The following PDE1C variants were observed in gnomAD, a reference collection of about 807,000 sequenced individuals.
PDE1C encodes the protein dual specificity calcium/calmodulin-dependent 3',5'-cyclic nucleotide phosphodiesterase 1C.
Under a neutral mutation model 93.1 loss-of-function variants are expected in PDE1C, and 62 were observed. The ratio of observed to expected loss-of-function variants is 0.67; its 90% CI spans 0.54 to 0.82. PDE1C has a LOEUF of 0.82. Ranked by LOEUF, PDE1C falls within the 40% of genes least tolerant of loss-of-function variation. PDE1C has a pLI of 0.00. For synonymous variants in PDE1C, 325 were observed against 310.1 expected, an observed-to-expected ratio of 1.05 and a Z score of -0.50; for missense variants, 742 against 884.6, an observed-to-expected ratio of 0.84 and a Z score of 2.04.
At chr7:32,284,410 T>C (rs1264960229) in intron 1 of PDE1C, among the ~76,000 whole-genome samples, 2 of 152,218 alleles carry the variant, frequency 1.3e-5, no homozygotes, top group Admixed American at 6.5e-5. Context: ...GTTGGAAAAT[T>C]AAGCATAAAA....
chr7:32,215,996 C>G (rs16875791), intron 1 of PDE1C, among the ~76,000 whole-genome samples: 52,438 of 152,152 alleles, frequency 0.34, 10,059 homozygotes, highest in African/African-American at 0.52. Context: ...CTGGTGGCTG[C>G]AATGCCAGGC....
intron 1 of PDE1C, among the ~76,000 whole-genome samples, chr7:32,256,849 A>G (rs781723449): frequency 5.3e-5 from 8 of 152,162 alleles, no homozygotes; most frequent in Admixed American, 1.3e-4. Flanking sequence ...CCAAATCAAT[A>G]ATAGGGTGCC....
rs377210915 is a variant in PDE1C at position 32,186,904 on chromosome 7, C to T, written c.137-16948G>A. 3.3e-4 allele frequency among the ~76,000 whole-genome samples: 50 copies of T among 152,222 alleles called. No individual in the cohort carries two copies. In the South Asian group the frequency reaches 8.1e-3, roughly 25 times the overall value. The stretch of plus-strand genomic sequence containing the variant: ...AGCATTTTCACATCTTCATTGTGGA[C>T]GGCATCCCTCCTTCATCGATAGAAA... On this transcript the variant is annotated intron_variant, in intron 2 of 18. Coordinates refer to the PDE1C transcript ENST00000396193.
intron 15 of PDE1C, among the ~76,000 whole-genome samples, chr7:31,813,927 GTT>G (rs1343928838): frequency 6.6e-6 from 1 of 152,154 alleles, no homozygotes; most frequent in African/African-American, 2.4e-5. Flanking sequence ...CCATTCCTGA[GTT>G]AATTCACTTA....
At chr7:31,799,743 T>C (rs117445603) in intron 16 of PDE1C, among the ~76,000 whole-genome samples, 1,733 of 151,824 alleles carry the variant, frequency 0.011, 18 homozygotes, top group South Asian at 0.024. Context: ...ATTTGTTCTA[T>C]GCAAACTAAC....
the PDE1C span, among the ~76,000 whole-genome samples, chr7:31,671,476 T>G: frequency 6.6e-6 from 1 of 152,178 alleles, no homozygotes; most frequent in Admixed American, 6.5e-5. Flanking sequence ...CCAAGTAACA[T>G]TGTATCTCAC....
At chr7:32,102,495 G>C (rs1258306150) in intron 3 of PDE1C, among the ~76,000 whole-genome samples, 1 of 152,206 alleles carries the variant, frequency 6.6e-6, no homozygotes, top group Non-Finnish European at 1.5e-5. Flanking sequence ...TCCTCAAAGG[G>C]TTGTTACAAG....
At chr7:32,251,713 C>A (rs191006965) in intron 1 of PDE1C, among the ~76,000 whole-genome samples, 1 of 152,334 alleles carries the variant, frequency 6.6e-6, no homozygotes, top group East Asian at 1.9e-4. Flanking sequence ...ATAAACATCT[C>A]ATTGAAATGT....
At chr7:31,628,164 C>T in the PDE1C span, among the ~76,000 whole-genome samples, 1 of 152,284 alleles carries the variant, frequency 6.6e-6, no homozygotes, top group Non-Finnish European at 1.5e-5. Flanking sequence ...TCAAAAAGTG[C>T]CCTGAAGGAG....
Position 32,213,991 on chromosome 7 carries a change from T to C in PDE1C, c.86-4452A>G, listed in dbSNP as rs148244253. ...GCATAAACTCAATAGTTTATGATAATCAGGAAAAAATGTTTTTATTAGAGG... is the reference window on the plus strand; with the variant it reads ...GCATAAACTCAATAGTTTATGATAACCAGGAAAAAATGTTTTTATTAGAGG... On this transcript the variant is annotated intron_variant, in intron 1 of 18. Coordinates refer to the PDE1C transcript ENST00000396193. 6.8e-4 allele frequency among the ~76,000 whole-genome samples: 104 copies of C among 152,304 alleles called. 1 individual carries two copies. The highest frequency in any genetic ancestry group is 6.8e-3 in the Middle Eastern group (2 of 294).
intron 3 of PDE1C, among the ~76,000 whole-genome samples, chr7:32,108,946 T>C (rs1798496306): frequency 6.6e-6 from 1 of 152,200 alleles, no homozygotes; most frequent in Non-Finnish European, 1.5e-5. Flanking sequence ...CTGGCACATA[T>C]ATATTCTGAT....
chr7:32,181,800 A>G (rs550427377), intron 2 of PDE1C, among the ~76,000 whole-genome samples: 254 of 152,356 alleles, frequency 1.7e-3, no homozygotes, highest in African/African-American at 5.8e-3. Flanking sequence ...AACTAAGATC[A>G]GAGCAGAACT....
At chr7:32,067,629 C>T (rs974771792) in intron 1 of PDE1C, among the ~76,000 whole-genome samples, 4 of 152,134 alleles carry the variant, frequency 2.6e-5, no homozygotes, top group South Asian at 4.1e-4. Context: ...ATGATCACCA[C>T]AGTGGGATTC....
intron 2 of PDE1C, among the ~76,000 whole-genome samples, chr7:32,195,110 A>T (rs1804524352): frequency 6.6e-6 from 1 of 152,232 alleles, no homozygotes. Flanking sequence ...TACATTTAGA[A>T]CATTATCAAA....
chr7:32,036,579 G>A (rs1188623497), intron 2 of PDE1C, among the ~76,000 whole-genome samples: 1 of 152,132 alleles, frequency 6.6e-6, no homozygotes, highest in East Asian at 1.9e-4. Context: ...TAGCAAGCTT[G>A]ATCAAGAAAT....
the PDE1C span, among the ~76,000 whole-genome samples, chr7:31,655,577 G>A: frequency 6.6e-6 from 1 of 152,136 alleles, no homozygotes; most frequent in Non-Finnish European, 1.5e-5. Context: ...TCCCAGAGCA[G>A]CCTTCCACCA....
At chr7:31,938,205 G>A (rs567788881) in intron 2 of PDE1C, among the ~76,000 whole-genome samples, 1 of 151,582 alleles carries the variant, frequency 6.6e-6, no homozygotes, top group South Asian at 2.1e-4. Context: ...ATGTCATTTT[G>A]GAAGATGGAT....
intron 16 of PDE1C, among the ~76,000 whole-genome samples, chr7:31,806,196 T>C (rs1013749015): frequency 6.6e-6 from 1 of 151,932 alleles, no homozygotes; most frequent in Non-Finnish European, 1.5e-5. Context: ...CTAATCATAA[T>C]CTGTTGTTTG....
intron 3 of PDE1C, among the ~76,000 whole-genome samples, chr7:32,106,001 C>T (rs1250490783): frequency 6.6e-6 from 1 of 151,952 alleles, no homozygotes; most frequent in Non-Finnish European, 1.5e-5. Flanking sequence ...TGGAGTTTTA[C>T]TTACTTGTAT....
Sources: allele counts gnomAD v4.1 joint callset (sites outside exome capture counted in the v4.1 genomes callset), GRCh38; gene constraint gnomAD v4.1.1; transcripts MANE v1.5; gene names NCBI Gene and HGNC (gene_info 2026-07-23, HGNC 2026-07-21).